AKAP6: variants seen among roughly 807,000 people sequenced by gnomAD.
AKAP6 encodes A-kinase anchoring protein 6.
Under a neutral mutation model 188.5 loss-of-function variants are expected in AKAP6, and 58 were observed. That is an observed-to-expected ratio of 0.31 (90% CI 0.25 to 0.38). The LOEUF is 0.38. Among genes scored for constraint, AKAP6 ranks in the 10% least tolerant of loss-of-function variants. The probability of loss-of-function intolerance (pLI) is 1.00; values close to 1 mark genes in which losing one functional copy is unlikely to be tolerated. For synonymous variants in AKAP6, 989 were observed against 998.6 expected (o/e 0.99, Z 0.18); for missense variants, 2,710 against 2,740.0 (o/e 0.99, Z 0.24).
chr14:32,599,261 A>C, intron 5 of AKAP6, 149 bp from the exon 6 acceptor site: 4 of 589,914 alleles, frequency 6.8e-6, no homozygotes, highest in Non-Finnish European at 8.7e-6. Flanking sequence ...CAGATCCCAA[A>C]TATCAATAGC....
chr14:32,689,292 G>T (rs564868114), intron 8 of AKAP6, among the ~76,000 whole-genome samples: 12 of 151,956 alleles, frequency 7.9e-5, no homozygotes, highest in African/African-American at 2.9e-4. Context: ...AGATTATCTC[G>T]TTGGTTAGAA....
At chr14:32,481,213 G>T (rs1007917403) in intron 2 of AKAP6, among the ~76,000 whole-genome samples, 12 of 152,106 alleles carry the variant, frequency 7.9e-5, no homozygotes, top group African/African-American at 2.9e-4. Context: ...TCCATGCAAA[G>T]AAATAAAATT....
intron 13 of AKAP6, among the ~76,000 whole-genome samples, chr14:32,828,193 A>G (rs1421084008): frequency 6.6e-6 from 1 of 152,138 alleles, no homozygotes; most frequent in Non-Finnish European, 1.5e-5. Flanking sequence ...CAGATTTTAC[A>G]AACTGAGAAA....
At chr14:32,809,672 G>A (rs531759365) in intron 12 of AKAP6, among the ~76,000 whole-genome samples, 58 of 152,132 alleles carry the variant, frequency 3.8e-4, no homozygotes, top group Admixed American at 1.6e-3. Context: ...ACTAAATAAC[G>A]AAGGAAAATG....
intron 9 of AKAP6, among the ~76,000 whole-genome samples, chr14:32,697,028 C>T (rs1890432272): frequency 6.6e-6 from 1 of 152,086 alleles, no homozygotes; most frequent in Non-Finnish European, 1.5e-5. Flanking sequence ...ACAGAATCAG[C>T]AACAGTATAA....
chr14:32,510,081 C>T (rs1158935807), intron 2 of AKAP6, among the ~76,000 whole-genome samples: 6 of 151,898 alleles, frequency 4.0e-5, no homozygotes, highest in Non-Finnish European at 8.8e-5. Flanking sequence ...ACTTTGTGGG[C>T]GGAGCGCTTA....
chr14:32,547,158 T>C (rs1355362196), intron 4 of AKAP6, among the ~76,000 whole-genome samples, 159 bp downstream of exon 4: 3 of 152,230 alleles, frequency 2.0e-5, no homozygotes, highest in Non-Finnish European at 4.4e-5. Context: ...GATCAATGCA[T>C]GTGACAAAGA....
At position 32,786,298 on chromosome 14, in the gene AKAP6, C is replaced by CTTT. The variant is rs1162974012; in HGVS notation, c.3588+12430_3588+12432dup. ...CCCTCTGAAAGACCTAAACCTTTAT[C>CTTT]TTTTTTTTTTTTTTTTTTTTTTTTT... is the stretch of plus-strand genomic sequence containing the variant. On this transcript the variant is annotated intron_variant, in intron 12 of 13. Coordinates refer to ENST00000280979, the MANE Select transcript of AKAP6 (RefSeq NM_004274.5). 1.4e-3 allele frequency among the ~76,000 whole-genome samples: 112 copies of CTTT among 82,548 alleles called. 8 individuals are homozygous for CTTT. In the Middle Eastern group the frequency reaches 0.029, roughly 21 times the overall value. 54.2% of individuals were successfully genotyped at this position (82,548 alleles called of 152,430 possible).
intron 4 of AKAP6, among the ~76,000 whole-genome samples, chr14:32,552,048 T>C (rs1479580347): frequency 6.6e-6 from 1 of 152,128 alleles, no homozygotes; most frequent in African/African-American, 2.4e-5. Flanking sequence ...ATGGGAACTC[T>C]GTGAGGGCAG....
intron 2 of AKAP6, among the ~76,000 whole-genome samples, chr14:32,527,726 T>A (rs1882204801): frequency 6.6e-6 from 1 of 152,250 alleles, no homozygotes; most frequent in Non-Finnish European, 1.5e-5. Flanking sequence ...TCTTTTCATA[T>A]TCTTATTTGT....
chr14:32,494,149 T>G (rs770527746), intron 2 of AKAP6: 3 of 152,210 alleles, frequency 2.0e-5, no homozygotes, highest in Non-Finnish European at 4.4e-5. Context: ...GAGATTTGAG[T>G]CATTCTTTCT....
chr14:32,808,718 G>C (rs1405195039), intron 12 of AKAP6, among the ~76,000 whole-genome samples: 1 of 152,136 alleles, frequency 6.6e-6, no homozygotes. Context: ...TACAGTAGCA[G>C]TGGTAAAATA....
At chr14:32,588,952 G>T (rs1885367387) in intron 5 of AKAP6, among the ~76,000 whole-genome samples, 1 of 152,120 alleles carries the variant, frequency 6.6e-6, no homozygotes, top group South Asian at 2.1e-4. Context: ...AATACTTTCA[G>T]CTGTTTTTCT....
chr14:32,583,844 G>A (rs1212077344), intron 5 of AKAP6, among the ~76,000 whole-genome samples: 1 of 152,202 alleles, frequency 6.6e-6, no homozygotes, highest in Non-Finnish European at 1.5e-5. Context: ...GCATTATTAG[G>A]GTGGGAGTGA....
chr14:32,719,867 A>T (rs2030435773), intron 9 of AKAP6, among the ~76,000 whole-genome samples: 1 of 152,114 alleles, frequency 6.6e-6, no homozygotes, highest in Admixed American at 6.6e-5. Context: ...TAGCCTTCAC[A>T]TTTACAGTGT....
intron 11 of AKAP6, among the ~76,000 whole-genome samples, chr14:32,750,574 G>A (rs563536910): frequency 6.6e-6 from 1 of 151,570 alleles, no homozygotes; most frequent in East Asian, 1.9e-4. Flanking sequence ...AAAAAAGATT[G>A]TGCTCAATTA....
intron 1 of AKAP6, among the ~76,000 whole-genome samples, chr14:32,360,313 A>G (rs779325592): frequency 1.3e-5 from 2 of 151,954 alleles, no homozygotes; most frequent in Non-Finnish European, 2.9e-5. Flanking sequence ...TTTTTAGTAG[A>G]GATGGGGTTT....
intron 5 of AKAP6, among the ~76,000 whole-genome samples, chr14:32,579,469 G>A (rs143735488): frequency 1.9e-4 from 29 of 152,202 alleles, no homozygotes; most frequent in African/African-American, 6.3e-4. Context: ...CTACAGACCT[G>A]TTGACTGGAT....
intron 12 of AKAP6, among the ~76,000 whole-genome samples, chr14:32,780,872 A>G (rs1176156572): frequency 2.6e-5 from 4 of 152,216 alleles, no homozygotes; most frequent in Admixed American, 2.0e-4. Flanking sequence ...CCTCAAATAC[A>G]TGGAAGCTAA....
Sources: allele counts gnomAD v4.1 joint callset (sites outside exome capture counted in the v4.1 genomes callset), GRCh38; gene constraint gnomAD v4.1.1; transcripts MANE v1.5; gene names NCBI Gene and HGNC (gene_info 2026-07-23, HGNC 2026-07-21).